The following SACM1L variants were observed in gnomAD, a reference collection of about 807,000 sequenced individuals.
SACM1L encodes SAC1 like phosphatidylinositide phosphatase.
In SACM1L, 32 loss-of-function variants were observed where a neutral mutation model predicts 89.5. The observed-to-expected ratio is 0.36, with a 90% CI of 0.27 to 0.48. SACM1L has a LOEUF of 0.48. Among genes scored for constraint, SACM1L ranks in the 20% least tolerant of loss-of-function variants. SACM1L has a pLI of 0.99. For synonymous variants in SACM1L, 213 were observed against 232.8 expected, an observed-to-expected ratio of 0.92 and a Z score of 0.77; for missense variants, 543 against 708.5, an observed-to-expected ratio of 0.77 and a Z score of 2.65.
chr3:45,721,276 C>G (rs1002098036), intron 8 of SACM1L, among the ~76,000 whole-genome samples: 3 of 152,230 alleles, frequency 2.0e-5, no homozygotes, highest in Non-Finnish European at 4.4e-5. Context: ...AATCCCAGCA[C>G]TTTGGGAGGC....
chr3:45,696,877 A>G (rs1304319114), intron 1 of SACM1L, among the ~76,000 whole-genome samples: 1 of 152,238 alleles, frequency 6.6e-6, no homozygotes, highest in African/African-American at 2.4e-5. Context: ...TAATATTATA[A>G]TTAAAGATAT....
At chr3:45,712,867 A>G (rs1223291632) in intron 5 of SACM1L, among the ~76,000 whole-genome samples, 1 of 152,218 alleles carries the variant, frequency 6.6e-6, no homozygotes, top group Non-Finnish European at 1.5e-5. Flanking sequence ...TGTAAAAAAT[A>G]TGGATTTTGA....
chr3:45,725,428 C>T (rs560379803), intron 11 of SACM1L, among the ~76,000 whole-genome samples: 15 of 151,998 alleles, frequency 9.9e-5, no homozygotes, highest in Non-Finnish European at 1.8e-4. Flanking sequence ...AGTATTTATG[C>T]CTGAATGGTG....
At chr3:45,720,569 C>T (rs1377089306) in intron 8 of SACM1L, among the ~76,000 whole-genome samples, 3 of 152,132 alleles carry the variant, frequency 2.0e-5, no homozygotes, top group Non-Finnish European at 2.9e-5. Flanking sequence ...CATTTTTCTG[C>T]ACCTTGTTTC....
At chr3:45,703,372 A>G (rs1698317195) in intron 1 of SACM1L, 66 bp from the exon 2 acceptor site, 4 of 1,043,510 alleles carry the variant, frequency 3.8e-6, no homozygotes, top group South Asian at 3.8e-5. Flanking sequence ...AATTGTCATA[A>G]TAAGTAGTTT....
intron 1 of SACM1L, among the ~76,000 whole-genome samples, chr3:45,697,387 C>T (rs551628371): frequency 1.5e-4 from 22 of 149,262 alleles, no homozygotes; most frequent in South Asian, 4.2e-4. Context: ...AGTGATCCTC[C>T]GACCTCAGCC....
At chr3:45,741,857 G>A (rs1469232275) in intron 19 of SACM1L, among the ~76,000 whole-genome samples, 2 of 152,182 alleles carry the variant, frequency 1.3e-5, no homozygotes, top group Non-Finnish European at 2.9e-5. Context: ...ACAAAAACAG[G>A]TTGAAGCACA....
In SACM1L at chr3:45,705,733, A is replaced by G. The variant is rs560943757; in HGVS notation, c.205+524A>G. The stretch of plus-strand genomic sequence containing the variant: ...TGGTCAGGCTGGTCTTGAACTCCTG[A>G]CCTCAGGTGATCCACCCACCCCAGC... On this transcript the variant is annotated intron_variant, in intron 3 of 19. Transcript: ENST00000389061. Among the ~76,000 whole-genome samples the G allele has an allele frequency of 5.3e-5, 8 of 152,108 alleles. No individual in the cohort carries two copies. In the East Asian group the frequency reaches 1.5e-3, roughly 29 times the overall value.
At chr3:45,705,007 T>C (rs1285448517) in intron 2 of SACM1L, 128 bp from the exon 3 acceptor site, 6 of 605,080 alleles carry the variant, frequency 9.9e-6, no homozygotes, top group East Asian at 2.9e-5. Flanking sequence ...AGTTAAGGAA[T>C]GTTGCTTTTC....
At chr3:45,725,669 T>G (rs966734690) in intron 11 of SACM1L, among the ~76,000 whole-genome samples, 12 of 152,024 alleles carry the variant, frequency 7.9e-5, no homozygotes, top group Admixed American at 5.9e-4. Context: ...ATGCTTCCTT[T>G]CCAATTTGGA....
In SACM1L at chr3:45,735,385, T is replaced by C; in HGVS notation, c.1239+12T>C. ...AGGCCCAACTTCAGGTGCGAATGCTTTTTTTTTTTTTAATTGAAAAACAAC... is the reference window on the plus strand; with the variant it reads ...AGGCCCAACTTCAGGTGCGAATGCTCTTTTTTTTTTTAATTGAAAAACAAC... On this transcript the variant is annotated intron_variant, in intron 14 of 19. Transcript: ENST00000389061. 9.5e-7 allele frequency: 1 copy of C among 1,056,392 alleles called. No individual in the cohort carries two copies. The highest frequency in any genetic ancestry group is 1.3e-6 in the Non-Finnish European group (1 of 785,758). 65.4% of individuals were successfully genotyped at this position (1,056,392 alleles called of 1,614,324 possible). A position where few individuals can be genotyped will look rare whatever the true frequency, so the allele number is the denominator to read the frequency against.
chr3:45,725,765 G>T (rs1271587015), intron 11 of SACM1L, among the ~76,000 whole-genome samples: 1 of 151,194 alleles, frequency 6.6e-6, no homozygotes, highest in Admixed American at 6.6e-5. Flanking sequence ...AAGCATCCTT[G>T]TCTTATTCCT....
At position 45,744,040 on chromosome 3, in the gene SACM1L, A is replaced by G. The variant is rs1415099767; in HGVS notation, c.*371A>G. 6.2e-6 allele frequency: 1 copy of G among 160,808 alleles called. No individual in the cohort carries two copies. Among genetic ancestry groups the G allele is most frequent in the East Asian group, 1.8e-4 (1 of 5,556 alleles). 10.0% of individuals were successfully genotyped at this position (160,808 alleles called of 1,614,324 possible). Reference sequence around the variant, plus strand: ...TTTCATTATTTAAAACAGCAAAATTATTTTTGTAGCTCAGTTTCATTATTG... The same window carrying G: ...TTTCATTATTTAAAACAGCAAAATTGTTTTTGTAGCTCAGTTTCATTATTG... On this transcript the variant is annotated 3_prime_UTR_variant, in exon 20 of 20. Coordinates refer to ENST00000389061, the MANE Select transcript of SACM1L (RefSeq NM_014016.5).
chr3:45,709,886 G>A (rs1484307369), intron 5 of SACM1L, among the ~76,000 whole-genome samples: 1 of 151,732 alleles, frequency 6.6e-6, no homozygotes, highest in Non-Finnish European at 1.5e-5. Flanking sequence ...AGAAATCTTT[G>A]TATAAACACA....
chr3:45,724,805 GT>G (rs1698879213), intron 11 of SACM1L, among the ~76,000 whole-genome samples: 1 of 151,992 alleles, frequency 6.6e-6, no homozygotes, highest in Non-Finnish European at 1.5e-5. Context: ...GTTGATTTTT[GT>G]TTCGTGTATG....
At chr3:45,731,998 T>C (rs1253929628) in intron 12 of SACM1L, 55 bp from the exon 13 acceptor site, 10 of 1,037,152 alleles carry the variant, frequency 9.6e-6, no homozygotes, top group Admixed American at 2.3e-5. Flanking sequence ...GTATTATTAA[T>C]AGAAGGAAAA....
rs1698360453 is a variant in SACM1L at position 45,705,194 on chromosome 3, A to G, written c.190A>G (p.Ile64Val). The change falls in exon 3 of 20, where the codon ATC becomes GTC. Residue 64 changes from isoleucine to valine, a missense_variant. Coordinates refer to ENST00000389061, the MANE Select transcript of SACM1L (RefSeq NM_014016.5). The part of the protein sequence containing the change: ...TRPIFGILGT[I>V]HLVAGNYLIV... The stretch of plus-strand genomic sequence containing the variant: ...ACCAATATTTGGTATACTGGGCACA[A>G]TCCATCTGGTGGCAGGTAAGAGAAA... 1.2e-6 allele frequency: 2 copies of G among 1,608,238 alleles called. No homozygotes were observed. The highest frequency in any genetic ancestry group is 1.3e-5 in the African/African-American group (1 of 74,772).
chr3:45,719,387 A>G (rs534069374), intron 7 of SACM1L, 113 bp from the exon 8 acceptor site: 3 of 571,614 alleles, frequency 5.2e-6, no homozygotes, highest in South Asian at 4.8e-5. Flanking sequence ...AGATTTGTAT[A>G]CTCTTGTCAT....
intron 1 of SACM1L, among the ~76,000 whole-genome samples, chr3:45,691,964 T>G (rs1698003024): frequency 2.0e-5 from 3 of 152,222 alleles, no homozygotes; most frequent in Admixed American, 1.3e-4. Context: ...CATCTGTATA[T>G]TCTAGCCTTT....
Sources: allele counts gnomAD v4.1 joint callset (sites outside exome capture counted in the v4.1 genomes callset), GRCh38; gene constraint gnomAD v4.1.1; transcripts MANE v1.5; gene names NCBI Gene and HGNC (gene_info 2026-07-23, HGNC 2026-07-21).